CLDN2: variants seen among roughly 807,000 people sequenced by gnomAD.
The protein encoded by CLDN2 is claudin 2.
Under a neutral mutation model 8.2 loss-of-function variants are expected in CLDN2, and 1 was observed. The ratio of observed to expected loss-of-function variants is 0.12; its 90% CI spans 0.04 to 0.58. The LOEUF is 0.58. Ranked by LOEUF, CLDN2 falls within the 20% of genes least tolerant of loss-of-function variation. CLDN2 has a pLI of 0.90. For missense variants in CLDN2, 108 were observed against 172.9 expected, an observed-to-expected ratio of 0.62 and a Z score of 2.11; for synonymous variants, 70 against 70.2, an observed-to-expected ratio of 1.00 and a Z score of 0.01.
upstream of CLDN2, among the ~76,000 whole-genome samples, chrX:106,914,399 T>C (rs1933287189): frequency 9.0e-6 from 1 of 111,335 alleles, no homozygotes; most frequent in Non-Finnish European, 1.9e-5. Context: ...GAGGGACATT[T>C]GGGGGTCATT....
chrX:106,927,194 C>T (rs1001343384), intron 1 of CLDN2, among the ~76,000 whole-genome samples: 1 of 111,585 alleles, frequency 9.0e-6, no homozygotes, highest in Non-Finnish European at 1.9e-5. Flanking sequence ...TCCTTGAACA[C>T]GGCAAAATCT....
chrX:106,900,243 T>A (rs1411602720), exon 1 of CLDN2: 1 of 113,218 alleles, frequency 8.8e-6, no homozygotes, highest in African/African-American at 3.2e-5. Context: ...CTTGCATGGA[T>A]CTGCTGTTGG....
intron 1 of CLDN2, among the ~76,000 whole-genome samples, chrX:106,925,725 G>T (rs1041120986): frequency 4.4e-5 from 5 of 112,628 alleles, no homozygotes; most frequent in Non-Finnish European, 9.4e-5. Context: ...AGAATGATGA[G>T]GTCGTGCATG....
Position 106,928,081 on chromosome X carries a change from T to C in CLDN2, c.-148T>C. On this transcript the variant is annotated 5_prime_UTR_variant, in exon 2 of 2. Transcript: ENST00000336803. ...CTAGATGCCTTCTTGAGGCTGCTTG[T>C]GGCCACCCACAGACACTTGTAAGGA... The C allele has an allele frequency of 2.3e-6, 1 of 435,551 alleles. No homozygotes were observed. Among genetic ancestry groups the C allele is most frequent in the Non-Finnish European group, 3.9e-6 (1 of 256,576 alleles). 35.9% of individuals were successfully genotyped at this position (435,551 alleles called of 1,213,427 possible).
chrX:106,907,633 G>A (rs1409614880), intron 1 of CLDN2, among the ~76,000 whole-genome samples: 1 of 109,066 alleles, frequency 9.2e-6, no homozygotes, highest in Non-Finnish European at 1.9e-5. Context: ...CCCAGGAGGT[G>A]GAGGTTGCAG....
At chrX:106,926,504 G>A (rs1284582892) in intron 1 of CLDN2, among the ~76,000 whole-genome samples, 1 of 110,786 alleles carries the variant, frequency 9.0e-6, no homozygotes, top group Non-Finnish European at 1.9e-5. Context: ...TTTAAGAGAT[G>A]AGTAGGGAAA....
chrX:106,926,192 T>G (rs919035766), intron 1 of CLDN2, among the ~76,000 whole-genome samples: 3 of 111,795 alleles, frequency 2.7e-5, no homozygotes, highest in African/African-American at 9.8e-5. Context: ...AGTGGATGGA[T>G]AGAGGTATCA....
chrX:106,920,059 C>T (rs1483523248), upstream of CLDN2, among the ~76,000 whole-genome samples: 2 of 111,743 alleles, frequency 1.8e-5, no homozygotes, highest in African/African-American at 6.5e-5. Flanking sequence ...CACTGGCTCA[C>T]CAGGGCTGTG....
At chrX:106,911,773 A>G (rs1933250679) in intron 1 of CLDN2, among the ~76,000 whole-genome samples, 1 of 112,115 alleles carries the variant, frequency 8.9e-6, no homozygotes, top group Non-Finnish European at 1.9e-5. Context: ...GGGACATGGC[A>G]GGCGTTCATT....
upstream of CLDN2, among the ~76,000 whole-genome samples, chrX:106,916,567 G>A (rs996856040): frequency 5.4e-5 from 6 of 111,264 alleles, no homozygotes; most frequent in Non-Finnish European, 3.8e-5. Flanking sequence ...AGTGGAAGTC[G>A]AAACCAGCAG....
chrX:106,923,164 G>A (rs7879693), intron 1 of CLDN2, among the ~76,000 whole-genome samples: 7,084 of 110,933 alleles, frequency 0.064, 605 homozygotes, highest in African/African-American at 0.22. Flanking sequence ...TCGTAGAGAC[G>A]GGGTTTCACT....
intron 1 of CLDN2, among the ~76,000 whole-genome samples, chrX:106,925,857 T>C: frequency 9.0e-6 from 1 of 111,625 alleles, no homozygotes; most frequent in Non-Finnish European, 1.9e-5. Flanking sequence ...AAATACAAAA[T>C]TAGCTGGGCG....
In CLDN2 at chrX:106,924,600, G is replaced by C. The variant is rs188081115; in HGVS notation, c.-178-3451G>C. Among the ~76,000 whole-genome samples the C allele has an allele frequency of 1.8e-3, 202 of 110,298 alleles. 3 individuals are homozygous for C. Among genetic ancestry groups the C allele is most frequent in the African/African-American group, 6.6e-3 (199 of 30,324 alleles). ...GTTTCCAATGCTGATGAATCGTATT[G>C]ACTATCAATCATGTGCCCAATGCTG... On this transcript the variant is annotated intron_variant, in intron 1 of 1. Transcript: ENST00000336803.
intron 1 of CLDN2, among the ~76,000 whole-genome samples, chrX:106,912,408 CTT>C (rs1158258640): frequency 0.017 from 1,184 of 67,967 alleles, 30 homozygotes; most frequent in African/African-American, 0.084. Context: ...TTATGGAACT[CTT>C]TTTTTTTTTT....
chrX:106,901,763 G>C (rs1411659515), intron 1 of CLDN2, among the ~76,000 whole-genome samples: 1 of 111,510 alleles, frequency 9.0e-6, no homozygotes, highest in African/African-American at 3.3e-5. Context: ...CCCTGCCTCT[G>C]TTCCAGCACC....
intron 1 of CLDN2, among the ~76,000 whole-genome samples, chrX:106,904,827 C>A (rs1933157397): frequency 9.0e-6 from 1 of 111,719 alleles, no homozygotes; most frequent in Non-Finnish European, 1.9e-5. Flanking sequence ...CAAAATAAGT[C>A]TCTAAAATAT....
At chrX:106,919,011 A>G (rs1449197524), upstream of CLDN2, among the ~76,000 whole-genome samples, 1 of 112,578 alleles carries the variant, frequency 8.9e-6, no homozygotes, top group Admixed American at 9.4e-5. Context: ...ATGCTGGGTT[A>G]TAGTGAAAAT....
chrX:106,917,060 T>C (rs1209691996), upstream of CLDN2, among the ~76,000 whole-genome samples: 1 of 112,072 alleles, frequency 8.9e-6, no homozygotes, highest in East Asian at 2.8e-4. Flanking sequence ...ATGTTGCATT[T>C]GAGACAACTT....
intron 1 of CLDN2, among the ~76,000 whole-genome samples, chrX:106,924,617 C>T (rs1413828880): frequency 9.1e-6 from 1 of 110,069 alleles, no homozygotes; most frequent in Non-Finnish European, 1.9e-5. Context: ...AATCATGTGC[C>T]CAATGCTGTG....
Sources: allele counts gnomAD v4.1 joint callset (sites outside exome capture counted in the v4.1 genomes callset), GRCh38; gene constraint gnomAD v4.1.1; transcripts MANE v1.5; gene names NCBI Gene and HGNC (gene_info 2026-07-23, HGNC 2026-07-21).